The following MSI2 variants were observed in gnomAD, a reference collection of about 807,000 sequenced individuals.
The protein encoded by MSI2 is RNA-binding protein Musashi homolog 2.
In MSI2, 17 loss-of-function variants were observed where a neutral mutation model predicts 45.6. The observed-to-expected ratio is 0.37, with a 90% CI of 0.26 to 0.56. MSI2 has a LOEUF of 0.56. Among genes scored for constraint, MSI2 ranks in the 20% least tolerant of loss-of-function variants. The pLI, the probability that MSI2 is intolerant of heterozygous loss-of-function variation, is 0.77. For missense variants in MSI2, 293 were observed against 444.2 expected (o/e 0.66, Z 3.06); for synonymous variants, 156 against 158.2 (o/e 0.99, Z 0.11).
chr17:57,339,603 C>G (rs754858939), intron 5 of MSI2, among the ~76,000 whole-genome samples: 4 of 152,138 alleles, frequency 2.6e-5, no homozygotes, highest in Non-Finnish European at 5.9e-5. Context: ...AACTTCTCAG[C>G]CTTTCGTTTC....
intron 5 of MSI2, among the ~76,000 whole-genome samples, chr17:57,341,653 T>C (rs1402077199): frequency 6.6e-6 from 1 of 152,248 alleles, no homozygotes; most frequent in Non-Finnish European, 1.5e-5. Context: ...TAAATAGCTT[T>C]GTTGGCAGCT....
intron 7 of MSI2, among the ~76,000 whole-genome samples, chr17:57,530,384 C>T (rs1248043779): frequency 1.3e-5 from 2 of 152,166 alleles, no homozygotes; most frequent in Admixed American, 6.5e-5. Context: ...GACAAATTCT[C>T]AAAAGGGTCT....
At chr17:57,287,291 C>T (rs753219493) in intron 5 of MSI2, among the ~76,000 whole-genome samples, 60 of 152,128 alleles carry the variant, frequency 3.9e-4, no homozygotes, top group Admixed American at 6.5e-4. Flanking sequence ...CCCAGCCTGG[C>T]GAGGCTGTCC....
intron 8 of MSI2, chr17:57,601,053 G>C (rs1304933800): frequency 6.6e-6 from 1 of 152,198 alleles, no homozygotes; most frequent in Non-Finnish European, 1.5e-5. Flanking sequence ...CAGGCCAAAA[G>C]GGGCTTTCAG....
intron 8 of MSI2, among the ~76,000 whole-genome samples, chr17:57,614,637 G>A (rs931648747): frequency 1.3e-5 from 2 of 152,084 alleles, no homozygotes; most frequent in East Asian, 1.9e-4. Flanking sequence ...AAAAGCATCC[G>A]TGCCTTACCC....
intron 11 of MSI2, among the ~76,000 whole-genome samples, chr17:57,658,611 G>A (rs1911770656): frequency 6.6e-6 from 1 of 152,240 alleles, no homozygotes; most frequent in African/African-American, 2.4e-5. Flanking sequence ...GAAATACTGT[G>A]CACTTGATAA....
At chr17:57,550,693 G>A (rs2087283044) in intron 7 of MSI2, among the ~76,000 whole-genome samples, 2 of 152,108 alleles carry the variant, frequency 1.3e-5, no homozygotes, top group African/African-American at 2.4e-5. Flanking sequence ...TTTGAAGCCG[G>A]GCTGGAAAAT....
At chr17:57,527,518 A>G (rs376342509) in intron 6 of MSI2, among the ~76,000 whole-genome samples, 4 of 152,170 alleles carry the variant, frequency 2.6e-5, no homozygotes, top group African/African-American at 9.7e-5. Flanking sequence ...TGGGATGGGC[A>G]TGGGGATCTC....
At chr17:57,437,169 AT>A (rs966916190) in intron 6 of MSI2, among the ~76,000 whole-genome samples, 4 of 152,152 alleles carry the variant, frequency 2.6e-5, no homozygotes, top group African/African-American at 9.7e-5. Flanking sequence ...CGTGATGCAT[AT>A]TTTTGGGCAG....
chr17:57,436,551 G>A (rs1229685355), intron 6 of MSI2, among the ~76,000 whole-genome samples: 1 of 152,220 alleles, frequency 6.6e-6, no homozygotes, highest in Non-Finnish European at 1.5e-5. Flanking sequence ...TTGCTAAGCT[G>A]AGTGTTAGAA....
At chr17:57,279,207 G>C (rs1909183292) in intron 5 of MSI2, 1 of 152,318 alleles carries the variant, frequency 6.6e-6, no homozygotes, top group East Asian at 1.9e-4. Context: ...TCAGATACTA[G>C]CCTATCCTCT....
intron 6 of MSI2, among the ~76,000 whole-genome samples, chr17:57,469,860 C>T (rs2085400235): frequency 6.6e-6 from 1 of 152,244 alleles, no homozygotes; most frequent in Admixed American, 6.5e-5. Flanking sequence ...GGATAAAATC[C>T]AGACAGCTGC....
chr17:57,609,482 G>A (rs1450491002), intron 8 of MSI2, among the ~76,000 whole-genome samples: 1 of 152,256 alleles, frequency 6.6e-6, no homozygotes, highest in Non-Finnish European at 1.5e-5. Context: ...AGTGAGAAAT[G>A]AAACTGCAAA....
chr17:57,272,502 C>T (rs1057289367), intron 5 of MSI2, among the ~76,000 whole-genome samples: 2 of 152,086 alleles, frequency 1.3e-5, no homozygotes, highest in African/African-American at 2.4e-5. Context: ...GGCCCTAGAT[C>T]GATAACACTT....
chr17:57,301,632 A>C (rs879366655), intron 5 of MSI2, among the ~76,000 whole-genome samples: 12 of 152,252 alleles, frequency 7.9e-5, no homozygotes, highest in Non-Finnish European at 1.5e-4. Context: ...ATGTTGATGC[A>C]GGCAACTGCA....
chr17:57,604,256 CAG>C (rs1235555066), intron 8 of MSI2, among the ~76,000 whole-genome samples: 1 of 152,224 alleles, frequency 6.6e-6, no homozygotes, highest in Non-Finnish European at 1.5e-5. Context: ...GGGTTTGGAA[CAG>C]AGCCAGGCCA....
At chr17:57,619,998 C>T (rs747236669) in intron 9 of MSI2, among the ~76,000 whole-genome samples, 1 of 152,212 alleles carries the variant, frequency 6.6e-6, no homozygotes, top group Non-Finnish European at 1.5e-5. Context: ...TGTGCCTAAC[C>T]CCAGACCCTA....
the MSI2 span, among the ~76,000 whole-genome samples, chr17:57,696,788 G>T: frequency 6.6e-6 from 1 of 152,116 alleles, no homozygotes. Flanking sequence ...TGGTCAGTGG[G>T]CACTGGGGTA....
At chr17:57,495,526 CTG>C (rs2085959338) in intron 6 of MSI2, among the ~76,000 whole-genome samples, 2 of 49,910 alleles carry the variant, frequency 4.0e-5, no homozygotes, top group East Asian at 7.5e-4. Context: ...GAGCGAGACT[CTG>C]TCTCAAAAAA....
Sources: gnomAD v4.1 joint callset for allele counts (sites outside exome capture counted in the v4.1 genomes callset) on GRCh38, gnomAD v4.1.1 for gene constraint, MANE v1.5 for transcripts, NCBI Gene and HGNC (gene_info 2026-07-23, HGNC 2026-07-21) for gene names.